ENTPD7: variants seen among roughly 807,000 people sequenced by gnomAD.
The protein encoded by ENTPD7 is ectonucleoside triphosphate diphosphohydrolase 7.
In ENTPD7, 53 loss-of-function variants were observed where a neutral mutation model predicts 77.9. The ratio of observed to expected loss-of-function variants is 0.68; its 90% CI spans 0.55 to 0.85. The LOEUF (loss-of-function observed/expected upper bound fraction) is 0.85, where lower values mean the gene tolerates loss of function less well. ENTPD7 is among the 40% of genes least tolerant of loss of function. ENTPD7 has a pLI of 0.00. For missense variants in ENTPD7, 636 were observed against 743.7 expected (o/e 0.86, Z 1.68); for synonymous variants, 248 against 274.9 (o/e 0.90, Z 0.97).
rs759152794 is a variant in ENTPD7, at chr10:99,707,410, G to C, written c.*2727G>C. ...ACAAAAGCCACTTACTCCTTGCTGA[G>C]AGCCAATTACTTAAATATATTTCTT... On this transcript the variant is annotated 3_prime_UTR_variant, in exon 13 of 13. Coordinates refer to ENST00000370489, the MANE Select transcript of ENTPD7 (RefSeq NM_020354.5). 1.4e-4 allele frequency among the ~76,000 whole-genome samples: 22 copies of C among 152,190 alleles called. 1 individual carries two copies. The highest frequency in any genetic ancestry group is 1.0e-3 in the Admixed American group (16 of 15,290).
chr10:99,681,191 A>C (rs545314682), intron 5 of ENTPD7, among the ~76,000 whole-genome samples: 107 of 152,320 alleles, frequency 7.0e-4, no homozygotes, highest in Admixed American at 1.1e-3. Flanking sequence ...GAGGGCTCAT[A>C]TCTCTTTGAG....
rs759846967 is a variant in ENTPD7, at chr10:99,704,688, G to C, written c.*5G>C. ...GGAGTACAGGTGGGGCCGTGAGGCT[G>C]GACCAGGACTAGAGAAGCTTGAGCA... On this transcript the variant is annotated 3_prime_UTR_variant, in exon 13 of 13. Transcript: ENST00000370489. 4.3e-6 allele frequency: 7 copies of C among 1,610,980 alleles called. No individual in the cohort carries two copies. In the East Asian group the frequency reaches 1.6e-4, roughly 36 times the overall value.
chr10:99,663,516 A>G (rs141220865), intron 3 of ENTPD7, among the ~76,000 whole-genome samples: 3 of 151,048 alleles, frequency 2.0e-5, no homozygotes, highest in Non-Finnish European at 4.4e-5. Flanking sequence ...TTGGAGTGCA[A>G]TGGTGCAATC....
chr10:99,690,878 T>C (rs1216069839), intron 7 of ENTPD7, among the ~76,000 whole-genome samples: 1 of 152,252 alleles, frequency 6.6e-6, no homozygotes, highest in African/African-American at 2.4e-5. Context: ...TTGTTTCTTT[T>C]GTCCTTAGGC....
At chr10:99,693,710 G>A (rs1416327560) in intron 8 of ENTPD7, among the ~76,000 whole-genome samples, 1 of 152,194 alleles carries the variant, frequency 6.6e-6, no homozygotes, top group Non-Finnish European at 1.5e-5. Context: ...CTGAGGTCAG[G>A]AGTTTAGGAC....
chr10:99,694,423 T>C (rs1424136030), intron 8 of ENTPD7, among the ~76,000 whole-genome samples: 1 of 152,250 alleles, frequency 6.6e-6, no homozygotes, highest in Non-Finnish European at 1.5e-5. Flanking sequence ...TGCTGTATTT[T>C]GTTTATCCAT....
chr10:99,672,965 T>C (rs2035634232), intron 3 of ENTPD7, among the ~76,000 whole-genome samples: 1 of 152,246 alleles, frequency 6.6e-6, no homozygotes. Flanking sequence ...GCTCTAACGC[T>C]GTTAATGCTT....
intron 5 of ENTPD7, among the ~76,000 whole-genome samples, chr10:99,683,392 T>C (rs1322612754): frequency 2.6e-5 from 4 of 152,200 alleles, no homozygotes; most frequent in Non-Finnish European, 5.9e-5. Context: ...TAACAGAATT[T>C]TTTCTACCTC....
chr10:99,698,099 C>T (rs979774464), intron 9 of ENTPD7: 3 of 208,432 alleles, frequency 1.4e-5, no homozygotes, highest in South Asian at 7.8e-5. Flanking sequence ...AGCCATTGCA[C>T]ATGGGCCACT....
At chr10:99,660,048 T>C in intron 2 of ENTPD7, 84 bp downstream of exon 2, 1 of 1,601,508 alleles carries the variant, frequency 6.2e-7, no homozygotes, top group South Asian at 1.1e-5. Context: ...CTGTCCCAAG[T>C]GAGGTTTGCC....
intron 9 of ENTPD7, among the ~76,000 whole-genome samples, chr10:99,696,442 G>A (rs959178847): frequency 6.6e-6 from 1 of 152,230 alleles, no homozygotes; most frequent in African/African-American, 2.4e-5. Context: ...AATATATAGT[G>A]TAGCTGCTAG....
At chr10:99,664,408 G>A (rs1050967031) in intron 3 of ENTPD7, among the ~76,000 whole-genome samples, 1 of 151,380 alleles carries the variant, frequency 6.6e-6, no homozygotes, top group Non-Finnish European at 1.5e-5. Context: ...TTACAGATGT[G>A]AGCCACTGTG....
Position 99,709,055 on chromosome 10 carries a change from A to G in ENTPD7, c.*4372A>G. On this transcript the variant is annotated 3_prime_UTR_variant, in exon 13 of 13. Coordinates refer to ENST00000370489, the MANE Select transcript of ENTPD7 (RefSeq NM_020354.5). ...TCACTACATCTATTCTTGTTCCTGT[A>G]TTTCTTTTCGTACTTTTAAATTTTA... The G allele has an allele frequency of 1.9e-5, 19 of 982,818 alleles. No homozygotes were observed. Among genetic ancestry groups the G allele is most frequent in the Non-Finnish European group, 2.3e-5 (19 of 827,566 alleles). 60.9% of individuals were successfully genotyped at this position (982,818 alleles called of 1,614,324 possible).
intron 6 of ENTPD7, among the ~76,000 whole-genome samples, chr10:99,687,258 T>TCTTG (rs2035825799): frequency 3.7e-5 from 1 of 27,136 alleles, no homozygotes; most frequent in African/African-American, 1.3e-4. Flanking sequence ...TTTCTTTCTT[T>TCTTG]CTTTTTTTTT....
chr10:99,707,877 G>A lies in ENTPD7; in HGVS notation c.*3194G>A, dbSNP rs796569875. ...TTTTCTCTCTGTACTTTAGCTCCTT[G>A]AATTTCCTTAATCTGGGAAACTTTT... is the stretch of plus-strand genomic sequence containing the variant. On this transcript the variant is annotated 3_prime_UTR_variant, in exon 13 of 13. Transcript: ENST00000370489. Among the ~76,000 whole-genome samples, 6 of 152,188 alleles carry A rather than the reference G, an allele frequency of 3.9e-5. No individual in the cohort carries two copies. The highest frequency in any genetic ancestry group is 1.2e-4 in the African/African-American group (5 of 41,510).
chr10:99,705,476 T>C lies in ENTPD7; in HGVS notation c.*793T>C, dbSNP rs1288668366. On this transcript the variant is annotated 3_prime_UTR_variant, in exon 13 of 13. Transcript: ENST00000370489. ...AAGTGTGTTAGTAGGATGGAGAAAC[T>C]GTGATGGGGACTGGGAACCTGGATT... 6.6e-6 allele frequency: 1 copy of C among 152,242 alleles called. No homozygotes were observed. The highest frequency in any genetic ancestry group is 1.5e-5 in the Non-Finnish European group (1 of 68,054). The allele number at this position is 152,242 out of a possible 1,614,324, so 9.4% of individuals were successfully genotyped here. A position where few individuals can be genotyped will look rare whatever the true frequency, so the allele number is the denominator to read the frequency against.
intron 3 of ENTPD7, among the ~76,000 whole-genome samples, chr10:99,678,559 T>C (rs541007988): frequency 2.0e-5 from 3 of 151,850 alleles, no homozygotes; most frequent in African/African-American, 7.3e-5. Context: ...ACATTTTTAA[T>C]GCAATTCTAG....
At chr10:99,682,041 C>A (rs2035760683) in intron 5 of ENTPD7, among the ~76,000 whole-genome samples, 1 of 151,964 alleles carries the variant, frequency 6.6e-6, no homozygotes, top group African/African-American at 2.4e-5. Context: ...TTGATATAGT[C>A]TTACTTGTTT....
At chr10:99,700,238 G>C (rs774922670) in intron 10 of ENTPD7, among the ~76,000 whole-genome samples, 1 of 152,042 alleles carries the variant, frequency 6.6e-6, no homozygotes, top group Non-Finnish European at 1.5e-5. Flanking sequence ...AGGTAAAAGC[G>C]ATTTTTTTCC....
Sources: gnomAD v4.1 joint callset for allele counts (sites outside exome capture counted in the v4.1 genomes callset) on GRCh38, gnomAD v4.1.1 for gene constraint, MANE v1.5 for transcripts, NCBI Gene and HGNC (gene_info 2026-07-23, HGNC 2026-07-21) for gene names.